The following DCPS variants were observed in gnomAD, a reference collection of about 807,000 sequenced individuals.
DCPS encodes the protein m7GpppX diphosphatase.
DCPS carries 27 observed loss-of-function variants against 34.7 expected under a neutral mutation model. The observed-to-expected ratio is 0.78, with a 90% CI of 0.57 to 1.07. The LOEUF is 1.07. Ranked by LOEUF, DCPS falls within the 50% of genes least tolerant of loss-of-function variation. The pLI is 0.00. For missense variants in DCPS, 464 were observed against 436.9 expected, an observed-to-expected ratio of 1.06 and a Z score of -0.55; for synonymous variants, 185 against 185.7, an observed-to-expected ratio of 1.00 and a Z score of 0.03.
At chr11:126,307,309 G>C (rs1288201750) in intron 2 of DCPS, among the ~76,000 whole-genome samples, 2 of 150,468 alleles carry the variant, frequency 1.3e-5, no homozygotes, top group African/African-American at 4.9e-5. Context: ...CTCCAGCCTG[G>C]GTGATGGAAC....
chr11:126,319,595 C>T lies in DCPS; in HGVS notation c.377-11810C>T, dbSNP rs1951688605. On this transcript the variant is annotated intron_variant, in intron 2 of 5. Transcript: ENST00000263579. This position sits in a 1 kb window ranked among gnomAD's most constrained non-coding sequence, Gnocchi z 4.5. ...TCATCTCTGCATGTCTGACCACACCCCCTGTCTGGACCTCACTTGCTCTGG... is the reference window on the plus strand; with the variant it reads ...TCATCTCTGCATGTCTGACCACACCTCCTGTCTGGACCTCACTTGCTCTGG... 6.6e-6 allele frequency among the ~76,000 whole-genome samples: 1 copy of T among 152,162 alleles called. No homozygotes were observed. The highest frequency in any genetic ancestry group is 1.5e-5 in the Non-Finnish European group (1 of 68,032).
rs558824855 is a variant in DCPS at position 126,329,125 on chromosome 11, T to C, written c.377-2280T>C. Reference sequence around the variant, plus strand: ...GCCGTTCAGTCTACTTCAAGCAGTCTCCCGCCTCTTGAGATCTTGGTGTGC... The same window carrying C: ...GCCGTTCAGTCTACTTCAAGCAGTCCCCCGCCTCTTGAGATCTTGGTGTGC... On this transcript the variant is annotated intron_variant, in intron 2 of 5. Transcript: ENST00000263579. The surrounding 1 kb of genome is among the most constrained non-coding windows in gnomAD (Gnocchi z 5.0). 5.3e-4 allele frequency among the ~76,000 whole-genome samples: 81 copies of C among 152,170 alleles called. No homozygotes were observed. The Middle Eastern group carries it at 0.01, about 19-fold the overall frequency.
Position 126,336,994 on chromosome 11 carries a change from TGAGAGGC to T in DCPS, c.523-1288_523-1282del, listed in dbSNP as rs951399008. On this transcript the variant is annotated intron_variant, in intron 3 of 5. Coordinates refer to ENST00000263579, the MANE Select transcript of DCPS (RefSeq NM_014026.6). This position sits in a 1 kb window ranked among gnomAD's most constrained non-coding sequence, Gnocchi z 6.3. The stretch of plus-strand genomic sequence containing the variant: ...GCCCTCTCCCCCGGTCCATCCCAGC[TGAGAGGC>T]GAGGATGCAATGCAGTGTGTTCAGC... 3.9e-5 allele frequency: 6 copies of T among 152,408 alleles called. No individual in the cohort carries two copies. The highest frequency in any genetic ancestry group is 3.3e-4 in the Admixed American group (5 of 15,294). The allele number at this position is 152,408 out of a possible 1,614,324, so 9.4% of individuals were successfully genotyped here. A position where few individuals can be genotyped will look rare whatever the true frequency, so the allele number is the denominator to read the frequency against.
chr11:126,338,358 G>A lies in DCPS; in HGVS notation c.595G>A (p.Gly199Ser). Residue 199 changes from glycine (G) to serine (S), a missense_variant, in exon 4 of 6, where the codon GGT becomes AGT. Gly to Ser is a moderately conservative substitution (Grantham distance 56, BLOSUM62 0). Transcript: ENST00000263579. This position sits in a 1 kb window ranked among gnomAD's most constrained non-coding sequence, Gnocchi z 5.4. ...TTTCGAGAACCCAGATCCCTCTGAT[G>A]GTTTTGTCCTCATCCCTGACCTCAA... ...IVFENPDPSD[G>S]FVLIPDLKWN... The A allele has an allele frequency of 6.2e-7, 1 of 1,614,172 alleles. No homozygotes were observed.
In DCPS at chr11:126,322,901, C is replaced by G. The variant is rs540812513; in HGVS notation, c.377-8504C>G. Among the ~76,000 whole-genome samples, 1 of 152,336 alleles carries G rather than the reference C, an allele frequency of 6.6e-6. No homozygotes were observed. Among genetic ancestry groups the G allele is most frequent in the East Asian group, 1.9e-4 (1 of 5,194 alleles). ...GGAGTCCAGTGGTACAGTCATAGCTCATGGCAGCCTCAAACTCCCGAGTTC... is the reference window on the plus strand; with the variant it reads ...GGAGTCCAGTGGTACAGTCATAGCTGATGGCAGCCTCAAACTCCCGAGTTC... On this transcript the variant is annotated intron_variant, in intron 2 of 5. Transcript: ENST00000263579. The surrounding 1 kb of genome is among the most constrained non-coding windows in gnomAD (Gnocchi z 4.2).
At chr11:126,326,127 TATAA>T (rs1409205843) in intron 2 of DCPS, among the ~76,000 whole-genome samples, 1 of 152,074 alleles carries the variant, frequency 6.6e-6, no homozygotes, top group Non-Finnish European at 1.5e-5. Context: ...AAAAAATACA[TATAA>T]ATAAATAAAT....
In DCPS at chr11:126,347,298, A is replaced by T. The variant is rs1228685099; in HGVS notation, c.*1685A>T. Among the ~76,000 whole-genome samples, 1 of 144,454 alleles carries T rather than the reference A, an allele frequency of 6.9e-6. No individual in the cohort carries two copies. Among genetic ancestry groups the T allele is most frequent in the Admixed American group, 7.2e-5 (1 of 13,926 alleles). 94.8% of individuals were successfully genotyped at this position (144,454 alleles called of 152,430 possible). Reference sequence around the variant, plus strand: ...GAGTGCAGTGGCACAATCTCGACTCACTGCAACCTCTGCCTCCTGGGTTCA... The same window carrying T: ...GAGTGCAGTGGCACAATCTCGACTCTCTGCAACCTCTGCCTCCTGGGTTCA... On this transcript the variant is annotated 3_prime_UTR_variant, in exon 6 of 6. Transcript: ENST00000263579. The surrounding 1 kb of genome is among the most constrained non-coding windows in gnomAD (Gnocchi z 4.2).
In DCPS at chr11:126,320,597, G is replaced by A. The variant is rs1951698584; in HGVS notation, c.377-10808G>A. 6.6e-6 allele frequency among the ~76,000 whole-genome samples: 1 copy of A among 152,092 alleles called. No individual in the cohort carries two copies. Among genetic ancestry groups the A allele is most frequent in the South Asian group, 2.1e-4 (1 of 4,832 alleles). ...GTGGGTGGATTGCTTGAGCCCAAGAGTTTGAGACCATCCTGGGCAACGTGG... is the reference window on the plus strand; with the variant it reads ...GTGGGTGGATTGCTTGAGCCCAAGAATTTGAGACCATCCTGGGCAACGTGG... On this transcript the variant is annotated intron_variant, in intron 2 of 5. Transcript: ENST00000263579. The surrounding 1 kb of genome is among the most constrained non-coding windows in gnomAD (Gnocchi z 4.7).
rs604255 is a variant in DCPS, at chr11:126,327,131, G to T, written c.377-4274G>T. ...GTTGTGCCAGTTGCTTCAGTGCAGG[G>T]CGCCCCTCCCCGGATCCCAACCCCG... On this transcript the variant is annotated intron_variant, in intron 2 of 5. Coordinates refer to ENST00000263579, the MANE Select transcript of DCPS (RefSeq NM_014026.6). The surrounding 1 kb of genome is among the most constrained non-coding windows in gnomAD (Gnocchi z 4.1). 0.2 allele frequency among the ~76,000 whole-genome samples: 30,375 copies of T among 152,064 alleles called. 3,239 individuals carry two copies. Among genetic ancestry groups the T allele is most frequent in the Non-Finnish European group, 0.23 (15,972 of 67,966 alleles).
In DCPS at chr11:126,336,115, CA is replaced by C. The variant is rs34762229; in HGVS notation, c.523-2152del. 0.14 allele frequency among the ~76,000 whole-genome samples: 15,068 copies of C among 108,974 alleles called. 829 individuals carry two copies. Among genetic ancestry groups the C allele is most frequent in the African/African-American group, 0.2 (5,551 of 28,084 alleles). The allele number at this position is 108,974 out of a possible 152,430, so 71.5% of individuals were successfully genotyped here. On this transcript the variant is annotated intron_variant, in intron 3 of 5. Transcript: ENST00000263579. The surrounding 1 kb of genome is among the most constrained non-coding windows in gnomAD (Gnocchi z 6.3). ...TGGGCGAAAGAGCAAGACTCCATCT[CA>C]AAAAAAAAAAAAAAAAAATGGCGAC...
chr11:126,311,600 G>A (rs1951618881), intron 2 of DCPS, among the ~76,000 whole-genome samples: 1 of 152,226 alleles, frequency 6.6e-6, no homozygotes, highest in Non-Finnish European at 1.5e-5. Context: ...GAAGCCAGCT[G>A]TGCAAAGAGG....
At position 126,328,772 on chromosome 11, in the gene DCPS, G is replaced by A. The variant is rs973417655; in HGVS notation, c.377-2633G>A. Reference sequence around the variant, plus strand: ...AGCTCCACTGCCCAACCCAGGCAACGGAGGCAACAGCGGAGAGAATCCAAG... The same window carrying A: ...AGCTCCACTGCCCAACCCAGGCAACAGAGGCAACAGCGGAGAGAATCCAAG... On this transcript the variant is annotated intron_variant, in intron 2 of 5. Coordinates refer to ENST00000263579, the MANE Select transcript of DCPS (RefSeq NM_014026.6). The surrounding 1 kb of genome is among the most constrained non-coding windows in gnomAD (Gnocchi z 6.6). 7.2e-5 allele frequency among the ~76,000 whole-genome samples: 11 copies of A among 152,208 alleles called. No individual in the cohort carries two copies. The highest frequency in any genetic ancestry group is 1.3e-4 in the Non-Finnish European group (9 of 68,022).
intron 2 of DCPS, among the ~76,000 whole-genome samples, chr11:126,324,479 G>C (rs1006186621): frequency 6.6e-6 from 1 of 151,692 alleles, no homozygotes; most frequent in Non-Finnish European, 1.5e-5. Flanking sequence ...TTTTTAGACA[G>C]GGTCTCACTC....
rs1178706583 is a variant in DCPS at position 126,338,540 on chromosome 11, G to A, written c.636+141G>A. ...ACAAGGGTTGGCCTGAGCTCTCTGT[G>A]GGGACTGGGTGGATACCTGTCATAC... is the stretch of plus-strand genomic sequence containing the variant. On this transcript the variant is annotated intron_variant, in intron 4 of 5. Transcript: ENST00000263579. The surrounding 1 kb of genome is among the most constrained non-coding windows in gnomAD (Gnocchi z 5.4). The A allele has an allele frequency of 2.6e-6, 2 of 755,470 alleles. No individual in the cohort carries two copies. Among genetic ancestry groups the A allele is most frequent in the Admixed American group, 2.2e-5 (1 of 44,732 alleles). The allele number at this position is 755,470 out of a possible 1,614,324, so 46.8% of individuals were successfully genotyped here.
At position 126,338,509 on chromosome 11, in the gene DCPS, T is replaced by A; in HGVS notation, c.636+110T>A. ...GGCCTGTCTCTAAGCAGATTATAAT[T>A]AACCAACAAGGGTTGGCCTGAGCTC... On this transcript the variant is annotated intron_variant, in intron 4 of 5. Transcript: ENST00000263579. The surrounding 1 kb of genome is among the most constrained non-coding windows in gnomAD (Gnocchi z 5.4). The A allele has an allele frequency of 1.0e-6, 1 of 1,002,694 alleles. No homozygotes were observed. Among genetic ancestry groups the A allele is most frequent in the Non-Finnish European group, 1.5e-6 (1 of 646,392 alleles). 62.1% of individuals were successfully genotyped at this position (1,002,694 alleles called of 1,614,324 possible).
rs55895321 is a variant in DCPS, at chr11:126,342,713, G to T, written c.637-594G>T. On this transcript the variant is annotated intron_variant, in intron 4 of 5. Transcript: ENST00000263579. The surrounding 1 kb of genome is among the most constrained non-coding windows in gnomAD (Gnocchi z 4.4). ...ACATGCGATAAGACTGTAAACTCTCGGAGGGAGAGAGTTGCCCTTGCTCTT... is the reference window on the plus strand; with the variant it reads ...ACATGCGATAAGACTGTAAACTCTCTGAGGGAGAGAGTTGCCCTTGCTCTT... Among the ~76,000 whole-genome samples, 1 of 152,060 alleles carries T rather than the reference G, an allele frequency of 6.6e-6. No homozygotes were observed. The highest frequency in any genetic ancestry group is 2.1e-4 in the South Asian group (1 of 4,804).
At position 126,347,669 on chromosome 11, in the gene DCPS, G is replaced by C. The variant is rs1459277078; in HGVS notation, c.*2056G>C. ...CCACACATCTGACTGACTCCTTCTT[G>C]GGCTAAGCAAATACTTTTGTGGGCA... On this transcript the variant is annotated 3_prime_UTR_variant, in exon 6 of 6. Transcript: ENST00000263579. The surrounding 1 kb of genome is among the most constrained non-coding windows in gnomAD (Gnocchi z 4.2). 3.9e-5 allele frequency among the ~76,000 whole-genome samples: 6 copies of C among 152,202 alleles called. No individual in the cohort carries two copies. The highest frequency in any genetic ancestry group is 1.4e-4 in the African/African-American group (6 of 41,450).
rs1279219123 is a variant in DCPS, at chr11:126,328,770, A to G, written c.377-2635A>G. Among the ~76,000 whole-genome samples the G allele has an allele frequency of 6.6e-6, 1 of 152,168 alleles. No homozygotes were observed. Among genetic ancestry groups the G allele is most frequent in the Non-Finnish European group, 1.5e-5 (1 of 68,016 alleles). On this transcript the variant is annotated intron_variant, in intron 2 of 5. Coordinates refer to ENST00000263579, the MANE Select transcript of DCPS (RefSeq NM_014026.6). This position sits in a 1 kb window ranked among gnomAD's most constrained non-coding sequence, Gnocchi z 6.6. ...GGAGCTCCACTGCCCAACCCAGGCA[A>G]CGGAGGCAACAGCGGAGAGAATCCA...
chr11:126,326,869 G>A (rs949682950), intron 2 of DCPS, among the ~76,000 whole-genome samples: 1 of 151,720 alleles, frequency 6.6e-6, no homozygotes, highest in Non-Finnish European at 1.5e-5. Context: ...CTTGCAGTGA[G>A]CCGAGATCAC....
Sources: allele counts gnomAD v4.1 joint callset (sites outside exome capture counted in the v4.1 genomes callset), GRCh38; gene constraint gnomAD v4.1.1; non-coding constraint Gnocchi (gnomAD v3.1); transcripts MANE v1.5; gene names NCBI Gene and HGNC (gene_info 2026-07-23, HGNC 2026-07-21).